CDH18: variants seen among roughly 807,000 people sequenced by gnomAD.
CDH18 encodes cadherin 18.
A neutral mutation model predicts 67.9 loss-of-function variants in CDH18; 31 were observed. The ratio of observed to expected loss-of-function variants is 0.46; its 90% CI spans 0.34 to 0.62. CDH18 has a LOEUF of 0.62. Among genes scored for constraint, CDH18 ranks in the 20% least tolerant of loss-of-function variants. CDH18 has a pLI of 0.01. For missense variants in CDH18, 890 were observed against 975.5 expected (o/e 0.91, Z 1.17); for synonymous variants, 362 against 347.2 (o/e 1.04, Z -0.48).
At chr5:19,482,759 A>C (rs1739682994) in intron 12 of CDH18, among the ~76,000 whole-genome samples, 1 of 152,190 alleles carries the variant, frequency 6.6e-6, no homozygotes, top group Non-Finnish European at 1.5e-5. Flanking sequence ...GTGAAGGGGA[A>C]AAAGCACCTG....
chr5:20,450,641 G>A (rs1041222410), intron 1 of CDH18, among the ~76,000 whole-genome samples: 3 of 152,062 alleles, frequency 2.0e-5, no homozygotes, highest in Non-Finnish European at 4.4e-5. Flanking sequence ...GCACTTCTTA[G>A]CTGTATTCTC....
chr5:19,779,437 C>T (rs191530703), intron 3 of CDH18, among the ~76,000 whole-genome samples: 3 of 152,154 alleles, frequency 2.0e-5, no homozygotes, highest in Admixed American at 6.6e-5. Context: ...AAAATACAAT[C>T]GAAGCTGAAT....
intron 9 of CDH18, among the ~76,000 whole-genome samples, chr5:19,542,800 T>G (rs141820147): frequency 8.5e-5 from 13 of 152,062 alleles, no homozygotes; most frequent in African/African-American, 3.1e-4. Flanking sequence ...AGAATTTTTT[T>G]TTTTGTAGTA....
intron 2 of CDH18, among the ~76,000 whole-genome samples, chr5:19,932,321 C>T (rs775351825): frequency 6.6e-6 from 1 of 151,662 alleles, no homozygotes; most frequent in Non-Finnish European, 1.5e-5. Context: ...AGAATCTAAA[C>T]TTATTAAAGT....
intron 2 of CDH18, among the ~76,000 whole-genome samples, chr5:20,242,603 A>T (rs1175248392): frequency 0.63 from 53,768 of 85,234 alleles, 17,779 homozygotes; most frequent in African/African-American, 0.8. Flanking sequence ...AGGGAAAAAA[A>T]AAAAAAAAAT....
chr5:19,674,135 A>C (rs1759139836), intron 5 of CDH18, among the ~76,000 whole-genome samples: 1 of 152,102 alleles, frequency 6.6e-6, no homozygotes, highest in Non-Finnish European at 1.5e-5. Context: ...GTGTTAGTGA[A>C]TTTGGTGAGG....
intron 2 of CDH18, among the ~76,000 whole-genome samples, chr5:20,151,493 G>A (rs537327291): frequency 6.6e-6 from 1 of 152,114 alleles, no homozygotes; most frequent in East Asian, 1.9e-4. Flanking sequence ...GTTTTCCTTT[G>A]GGTATATACC....
chr5:20,245,750 A>G (rs931296040), intron 2 of CDH18, among the ~76,000 whole-genome samples: 5 of 152,120 alleles, frequency 3.3e-5, no homozygotes, highest in African/African-American at 1.2e-4. Context: ...AAAAACCTGT[A>G]GAGCACTATT....
intron 2 of CDH18, among the ~76,000 whole-genome samples, chr5:19,997,098 G>GT (rs1345412103): frequency 6.6e-6 from 1 of 151,990 alleles, no homozygotes; most frequent in Non-Finnish European, 1.5e-5. Flanking sequence ...CTTTCAATGA[G>GT]TTGATAAAGC....
At chr5:19,522,537 G>A (rs576424755) in intron 9 of CDH18, among the ~76,000 whole-genome samples, 1 of 152,232 alleles carries the variant, frequency 6.6e-6, no homozygotes, top group East Asian at 1.9e-4. Context: ...CATAGCAATT[G>A]AAAACTGCTT....
At chr5:20,224,520 G>GTTTT (rs35344539) in intron 2 of CDH18, among the ~76,000 whole-genome samples, 2 of 148,058 alleles carry the variant, frequency 1.4e-5, no homozygotes, top group African/African-American at 4.9e-5. Context: ...AAATCCTTAG[G>GTTTT]TTTTTTTTTT....
intron 2 of CDH18, among the ~76,000 whole-genome samples, chr5:19,949,149 C>A (rs972057063): frequency 4.6e-5 from 7 of 152,010 alleles, no homozygotes; most frequent in South Asian, 2.1e-4. Context: ...CTTCTCTGGG[C>A]GCAGAAAAAT....
intron 1 of CDH18, among the ~76,000 whole-genome samples, chr5:20,260,518 T>G (rs1435076927): frequency 6.6e-6 from 1 of 152,086 alleles, no homozygotes; most frequent in African/African-American, 2.4e-5. Flanking sequence ...GGGATGAGAA[T>G]CTGAGGAACC....
At chr5:19,749,214 G>A (rs2149661267) in intron 3 of CDH18, among the ~76,000 whole-genome samples, 1 of 151,968 alleles carries the variant, frequency 6.6e-6, no homozygotes. Context: ...CCAAAATGTA[G>A]CAAAGTAAAT....
At chr5:20,074,734 G>T (rs78886355) in intron 2 of CDH18, among the ~76,000 whole-genome samples, 1,480 of 147,196 alleles carry the variant, frequency 0.01, 26 homozygotes, top group African/African-American at 0.034. Context: ...ATAGTTTGGG[G>T]TTTTTTTTTT....
At position 19,666,518 on chromosome 5, in the gene CDH18, T is replaced by A. The variant is rs138831548; in HGVS notation, c.644-53917A>T. 1.3e-3 allele frequency among the ~76,000 whole-genome samples: 198 copies of A among 152,020 alleles called. 1 individual carries two copies. The highest frequency in any genetic ancestry group is 4.6e-3 in the African/African-American group (192 of 41,532). On this transcript the variant is annotated intron_variant, in intron 5 of 12. Coordinates refer to ENST00000382275, the MANE Select transcript of CDH18 (RefSeq NM_004934.5). ...GATAAAATATTACACCACGAGCCAATGAAGAACACGTGACTAAAAAAGGAT... is the reference window on the plus strand; with the variant it reads ...GATAAAATATTACACCACGAGCCAAAGAAGAACACGTGACTAAAAAAGGAT...
chr5:19,817,574 G>T (rs1049908368), intron 3 of CDH18, among the ~76,000 whole-genome samples: 2 of 152,000 alleles, frequency 1.3e-5, no homozygotes, highest in African/African-American at 2.4e-5. Context: ...TAATAAGACA[G>T]AATTTGTTTA....
rs892839495 is a variant in CDH18, at chr5:19,621,974, G to T, written c.644-9373C>A. Among the ~76,000 whole-genome samples the T allele has an allele frequency of 2.6e-5, 4 of 152,266 alleles. No individual in the cohort carries two copies. The East Asian group carries it at 7.7e-4, about 29-fold the overall frequency. On this transcript the variant is annotated intron_variant, in intron 5 of 12. Transcript: ENST00000382275. ...AGCATATAGAATTCTGTTGCCATGT[G>T]TGCATTCATGAAATCATTCACACAT...
chr5:20,183,016 T>C (rs1021818180), intron 2 of CDH18, among the ~76,000 whole-genome samples: 1 of 152,078 alleles, frequency 6.6e-6, no homozygotes, highest in Admixed American at 6.6e-5. Flanking sequence ...CTTTCTTATA[T>C]TAGTTCTCCC....
Sources: gnomAD v4.1 joint callset for allele counts (sites outside exome capture counted in the v4.1 genomes callset) on GRCh38, gnomAD v4.1.1 for gene constraint, MANE v1.5 for transcripts, NCBI Gene and HGNC (gene_info 2026-07-23, HGNC 2026-07-21) for gene names.